Variants in ANXA6 observed in about 807,000 individuals in gnomAD.
The protein encoded by ANXA6 is annexin A6.
ANXA6 carries 71 observed loss-of-function variants against 95.4 expected under a neutral mutation model. The observed-to-expected ratio is 0.74, with a 90% CI of 0.61 to 0.91. The LOEUF is 0.91. Ranked by LOEUF, ANXA6 falls within the 40% of genes least tolerant of loss-of-function variation. The probability of loss-of-function intolerance (pLI) is 0.00; values close to 1 mark genes in which losing one functional copy is unlikely to be tolerated. For synonymous variants in ANXA6, 289 were observed against 315.9 expected (o/e 0.91, Z 0.90); for missense variants, 830 against 876.4 (o/e 0.95, Z 0.67).
chr5:151,125,137 G>C lies in ANXA6; in HGVS notation c.1057-770C>G, dbSNP rs561383543. The stretch of plus-strand genomic sequence containing the variant: ...TTTGGGAGGCCAAGGCAGGAGGATC[G>C]CTTGAGCCCATTGGTTCAAGATGAG... On this transcript the variant is annotated intron_variant, in intron 14 of 25. Transcript: ENST00000354546. Among the ~76,000 whole-genome samples the C allele has an allele frequency of 8.0e-4, 122 of 152,184 alleles. 1 individual carries two copies. Among genetic ancestry groups the C allele is most frequent in the Middle Eastern group, 3.4e-3 (1 of 294 alleles).
rs142052805 is a variant in ANXA6, at chr5:151,127,601, C to G, written c.977+580G>C. 5.7e-3 allele frequency among the ~76,000 whole-genome samples: 874 copies of G among 152,330 alleles called. 14 individuals are homozygous for G. The highest frequency in any genetic ancestry group is 0.02 in the African/African-American group (816 of 41,572). ...TTCCTCCTTGGGTCTCACCGTGTAT[C>G]TCCAAAGAGTCTCCCCTTGGTCTGG... is the stretch of plus-strand genomic sequence containing the variant. On this transcript the variant is annotated intron_variant, in intron 13 of 25. Transcript: ENST00000354546.
intron 1 of ANXA6, among the ~76,000 whole-genome samples, chr5:151,156,943 TGGGATTCCGA>T (rs1766252056): frequency 6.6e-6 from 1 of 152,162 alleles, no homozygotes; most frequent in African/African-American, 2.4e-5. Context: ...CAACAGGGGC[TGGGATTCCGA>T]TTCAGGGTAT....
chr5:151,118,522 T>C (rs1396641512), intron 18 of ANXA6, among the ~76,000 whole-genome samples: 1 of 152,078 alleles, frequency 6.6e-6, no homozygotes, highest in Non-Finnish European at 1.5e-5. Flanking sequence ...CAACCTCTGC[T>C]TCCCAGGTTC....
At chr5:151,148,335 C>T (rs1035797123) in intron 1 of ANXA6, among the ~76,000 whole-genome samples, 3 of 152,200 alleles carry the variant, frequency 2.0e-5, no homozygotes, top group African/African-American at 4.8e-5. Context: ...CAAGATCACA[C>T]AGCTTAGAAC....
At chr5:151,108,102 ATG>A (rs1421104600) in intron 23 of ANXA6, among the ~76,000 whole-genome samples, 5 of 151,202 alleles carry the variant, frequency 3.3e-5, no homozygotes, top group Middle Eastern at 3.4e-3. Context: ...ACATGTGAGA[ATG>A]TGTGTGTGTA....
intron 22 of ANXA6, 21 bp downstream of exon 22, chr5:151,109,732 A>G (rs1315461238): frequency 2.5e-6 from 4 of 1,574,730 alleles, no homozygotes; most frequent in Non-Finnish European, 3.5e-6. Context: ...TGAGCTGGGA[A>G]GGGAGGAGGT....
intron 25 of ANXA6, among the ~76,000 whole-genome samples, chr5:151,102,541 T>C (rs1764577850): frequency 6.6e-6 from 1 of 152,068 alleles, no homozygotes; most frequent in East Asian, 1.9e-4. Context: ...CTGTCTGTAC[T>C]AAAAATACAA....
intron 1 of ANXA6, chr5:151,151,183 C>T (rs1013535551): frequency 6.6e-6 from 1 of 152,324 alleles, no homozygotes; most frequent in Admixed American, 6.5e-5. Context: ...CTGCTGATTC[C>T]ACAGCCCCGC....
intron 14 of ANXA6, 30 bp downstream of exon 14, chr5:151,126,372 A>T (rs1157511482): frequency 6.3e-7 from 1 of 1,579,796 alleles, no homozygotes; most frequent in Non-Finnish European, 8.6e-7. Flanking sequence ...TGTGGTCAAG[A>T]GGTCAAGCAG....
At chr5:151,115,672 G>A (rs1274131670) in intron 20 of ANXA6, among the ~76,000 whole-genome samples, 11 of 152,226 alleles carry the variant, frequency 7.2e-5, no homozygotes. Context: ...TGTTGAATGA[G>A]TGAATGAAAT....
At chr5:151,136,422 G>C in intron 6 of ANXA6, 87 bp from the exon 7 acceptor site, 1 of 1,320,290 alleles carries the variant, frequency 7.6e-7, no homozygotes, top group South Asian at 1.3e-5. Context: ...AAAATGATCA[G>C]ATATTTTTAA....
At chr5:151,110,501 G>A (rs1462453642) in intron 21 of ANXA6, 126 bp downstream of exon 21, 2 of 1,051,072 alleles carry the variant, frequency 1.9e-6, no homozygotes, top group Admixed American at 2.2e-5. Context: ...GCAGGGCCCG[G>A]AAGGGGAGAG....
At position 151,122,150 on chromosome 5, in the gene ANXA6, C is replaced by T. The variant is rs1335196126; in HGVS notation, c.1344G>A (p.Met448Ile). ...ACCCCCTGGTGCCACACTGTACCTCCATGGCCTTCTTCAACTGCTTGGCAT... is the reference window on the plus strand; with the variant it reads ...ACCCCCTGGTGCCACACTGTACCTCTATGGCCTTCTTCAACTGCTTGGCAT... The part of the protein sequence containing the change: ...HYDAKQLKKA[M>I]EGAGTDEKAL... Residue 448 changes from methionine to isoleucine, a missense_variant, in exon 17 of 26, where the codon ATG (methionine) becomes ATA (isoleucine). Coordinates refer to ENST00000354546, the MANE Select transcript of ANXA6 (RefSeq NM_001155.5). 6.3e-7 allele frequency: 1 copy of T among 1,590,642 alleles called. No homozygotes were observed. The highest frequency in any genetic ancestry group is 8.5e-7 in the Non-Finnish European group (1 of 1,170,910).
At chr5:151,146,514 G>A (rs1488751951) in intron 2 of ANXA6, among the ~76,000 whole-genome samples, 1 of 152,172 alleles carries the variant, frequency 6.6e-6, no homozygotes, top group Non-Finnish European at 1.5e-5. Flanking sequence ...ACTGGGGGCA[G>A]TCATGATGTC....
chr5:151,124,486 G>T, intron 14 of ANXA6, 119 bp from the exon 15 acceptor site: 1 of 864,512 alleles, frequency 1.2e-6, no homozygotes, highest in African/African-American at 1.7e-5. Flanking sequence ...CGGCGTGGGT[G>T]GGGAAAGAGG....
At position 151,111,061 on chromosome 5, in the gene ANXA6, C is replaced by G. The variant is rs1023415856; in HGVS notation, c.1573-417G>C. 4.6e-5 allele frequency among the ~76,000 whole-genome samples: 7 copies of G among 152,160 alleles called. No homozygotes were observed. In the East Asian group the frequency reaches 1.3e-3, roughly 29 times the overall value. ...AATGTGAGCAGTGCAAAGTTCTCTG[C>G]ACCCTTTAGCATATTCAGAGTTCCA... is the stretch of plus-strand genomic sequence containing the variant. On this transcript the variant is annotated intron_variant, in intron 20 of 25. Coordinates refer to ENST00000354546, the MANE Select transcript of ANXA6 (RefSeq NM_001155.5).
chr5:151,133,159 C>T lies in ANXA6; in HGVS notation c.575G>A (p.Trp192Ter). The part of the protein sequence containing the change: ...QDLYEAGELK[W>*]GTDEAQFIYI... ...AATGAACTGGGCTTCATCTGTTCCC[C>T]ATTTCAGTTCCCCTGCCTCGTATAG... is the stretch of plus-strand genomic sequence containing the variant. Residue 192 changes from tryptophan to a stop codon, truncating the protein, a stop_gained, in exon 9 of 26, where the codon TGG becomes TAG. Transcript: ENST00000354546. LOFTEE classifies it high-confidence loss of function. 2 of 1,595,362 alleles carry T rather than the reference C, an allele frequency of 1.3e-6. No individual in the cohort carries two copies. The highest frequency in any genetic ancestry group is 1.1e-5 in the South Asian group (1 of 87,504).
intron 11 of ANXA6, among the ~76,000 whole-genome samples, chr5:151,130,672 T>C (rs3762993): frequency 0.4 from 61,404 of 152,110 alleles, 13,031 homozygotes; most frequent in South Asian, 0.58. Flanking sequence ...ACAGTCTACT[T>C]TGTCCTTTCG....
Position 151,129,499 on chromosome 5 carries a change from G to C in ANXA6, c.826C>G (p.Arg276Gly). ...GLGTRDNTLIRIMVSRSELDM... is the reference protein window; with the variant it reads ...GLGTRDNTLIGIMVSRSELDM... Reference sequence around the variant, plus strand: ...AACTCACTACGGGAGACCATGATGCGGATCAGGGTGTTGTCCCGAGTCCCC... The same window carrying C: ...AACTCACTACGGGAGACCATGATGCCGATCAGGGTGTTGTCCCGAGTCCCC... Residue 276 changes from arginine (R) to glycine (G), a missense_variant, in exon 12 of 26, where the codon CGC (arginine) becomes GGC (glycine). Physicochemically the swap from Arg to Gly is moderately radical, Grantham distance 125 (BLOSUM62 -2). Coordinates refer to ENST00000354546, the MANE Select transcript of ANXA6 (RefSeq NM_001155.5). 1 of 1,609,510 alleles carries C rather than the reference G, an allele frequency of 6.2e-7. No homozygotes were observed. The highest frequency in any genetic ancestry group is 8.5e-7 in the Non-Finnish European group (1 of 1,178,116).
Sources: allele counts gnomAD v4.1 joint callset (sites outside exome capture counted in the v4.1 genomes callset), GRCh38; gene constraint gnomAD v4.1.1; transcripts MANE v1.5; gene names NCBI Gene and HGNC (gene_info 2026-07-23, HGNC 2026-07-21).